Variants in VMA22 observed in about 807,000 individuals in gnomAD.
The protein encoded by VMA22 is vacuolar ATPase assembly protein VMA22.
the VMA22 span, chr2:130,341,969 A>T: frequency 6.2e-7 from 1 of 1,612,482 alleles, no homozygotes; most frequent in Non-Finnish European, 8.5e-7. Context: ...AAGCGGTGAG[A>T]CTCAGTTTAC....
chr2:130,341,659 G>C, the VMA22 span: 2 of 1,608,986 alleles, frequency 1.2e-6, no homozygotes, highest in African/African-American at 2.7e-5. Context: ...AAGGAAGAGG[G>C]GGCTCACCTG....
At chr2:130,339,741 C>G in the VMA22 span, 1 of 1,304,208 alleles carries the variant, frequency 7.7e-7, no homozygotes, top group South Asian at 1.2e-5. Flanking sequence ...GAAACACTTT[C>G]TCTTCTTGGC....
chr2:130,341,555 C>T, the VMA22 span: 2 of 875,880 alleles, frequency 2.3e-6, no homozygotes, highest in Non-Finnish European at 3.5e-6. Context: ...TTCTGTTCTT[C>T]TGCTCTGGGA....
At chr2:130,341,393 C>T in the VMA22 span, 2 of 550,086 alleles carry the variant, frequency 3.6e-6, no homozygotes, top group Admixed American at 7.1e-5. Context: ...AGAAGTTTGT[C>T]CCTCTGAAAC....
the VMA22 span, chr2:130,341,843 G>A: frequency 1.9e-6 from 2 of 1,050,138 alleles, no homozygotes; most frequent in South Asian, 2.5e-5. Context: ...TTCCTCACCT[G>A]GCGTGGAGGC....
chr2:130,340,715 A>T, the VMA22 span: 1 of 632,298 alleles, frequency 1.6e-6, no homozygotes, highest in East Asian at 2.8e-5. Context: ...CCCAGCAGCT[A>T]GCATGAACCC....
chr2:130,341,982 C>T, the VMA22 span: 6 of 1,613,046 alleles, frequency 3.7e-6, no homozygotes, highest in African/African-American at 6.7e-5. Context: ...CAGTTTACGC[C>T]CGTGTACCCT....
the VMA22 span, chr2:130,342,482 G>A: frequency 2.0e-6 from 1 of 511,392 alleles, no homozygotes; most frequent in Non-Finnish European, 3.5e-6. Flanking sequence ...CATTTTGGTT[G>A]AGGGAAGAGT....
chr2:130,339,416 A>G, the VMA22 span: 1 of 1,416,136 alleles, frequency 7.1e-7, no homozygotes. Flanking sequence ...CACCTCCTTC[A>G]GGTCTTTGCT....
At chr2:130,342,631 G>A in the VMA22 span, 5,150 of 485,036 alleles carry the variant, frequency 0.011, 169 homozygotes, top group African/African-American at 0.076. Flanking sequence ...GCACGGCGGT[G>A]GTGGGGGGAG....
At chr2:130,342,595 G>A in the VMA22 span, 8 of 462,576 alleles carry the variant, frequency 1.7e-5, no homozygotes, top group Non-Finnish European at 3.1e-5. Flanking sequence ...TTGTTTTAGC[G>A]GTTCGTCATC....
the VMA22 span, chr2:130,339,017 C>G: frequency 1.3e-6 from 1 of 792,926 alleles, no homozygotes; most frequent in South Asian, 1.6e-5. Flanking sequence ...CATTAGCTGG[C>G]GTGGGGTAGG....
chr2:130,339,067 G>C, the VMA22 span: 1 of 1,377,310 alleles, frequency 7.3e-7, no homozygotes, highest in Admixed American at 1.7e-5. Flanking sequence ...CTGAGATCAC[G>C]TAGCCATGTC....
the VMA22 span, chr2:130,339,364 G>T: frequency 7.5e-7 from 1 of 1,335,350 alleles, no homozygotes; most frequent in Non-Finnish European, 1.0e-6. Context: ...AACATTCCAG[G>T]TACGGCCCTG....
chr2:130,339,125 C>T, the VMA22 span: 4 of 1,613,276 alleles, frequency 2.5e-6, no homozygotes, highest in African/African-American at 5.3e-5. Context: ...GCATGTCAGG[C>T]AGCCCCAGGC....
chr2:130,340,551 C>G, the VMA22 span: 2 of 319,514 alleles, frequency 6.3e-6, no homozygotes, highest in South Asian at 5.0e-5. Context: ...AGAGAGACCT[C>G]CCCTGGCCCA....
At chr2:130,339,426 TA>T in the VMA22 span, 1 of 1,422,270 alleles carries the variant, frequency 7.0e-7, no homozygotes, top group Non-Finnish European at 9.2e-7. Flanking sequence ...AGGTCTTTGC[TA>T]AAATGTCACC....
the VMA22 span, chr2:130,341,112 C>T: frequency 6.8e-7 from 1 of 1,464,892 alleles, no homozygotes; most frequent in Non-Finnish European, 9.0e-7. Flanking sequence ...CAATGTTGAG[C>T]TTGATCTGAG....
At chr2:130,338,214 A>C in the VMA22 span, 1 of 152,228 alleles carries the variant, frequency 6.6e-6, no homozygotes, top group African/African-American at 2.4e-5. Context: ...AACTGTACGT[A>C]CAAATAATGA....
Sources: gnomAD v4.1 joint callset for allele counts on GRCh38, gnomAD v4.1.1 for gene constraint, MANE v1.5 for transcripts, NCBI Gene and HGNC (gene_info 2026-07-23, HGNC 2026-07-21) for gene names.